FOXP1: variants seen among roughly 807,000 people sequenced by gnomAD.
The protein encoded by FOXP1 is forkhead box protein P1.
In FOXP1, 15 loss-of-function variants were observed where a neutral mutation model predicts 98.2. That is an observed-to-expected ratio of 0.15 (90% confidence interval 0.10 to 0.24). FOXP1 has a LOEUF of 0.24. Ranked by LOEUF, FOXP1 falls within the 10% of genes least tolerant of loss-of-function variation. FOXP1 has a pLI of 1.00. For missense variants in FOXP1, 633 were observed against 848.5 expected (o/e 0.75, Z 3.15); for synonymous variants, 371 against 314.5 (o/e 1.18, Z -1.90).
chr3:71,498,939 A>G (rs1360608213), intron 2 of FOXP1, among the ~76,000 whole-genome samples: 2 of 152,194 alleles, frequency 1.3e-5, no homozygotes, highest in Admixed American at 1.3e-4. Flanking sequence ...CTGAAGATCT[A>G]GGAAGGAGTT....
intron 4 of FOXP1, among the ~76,000 whole-genome samples, chr3:71,322,943 C>A (rs1198831738): frequency 6.6e-6 from 1 of 151,534 alleles, no homozygotes; most frequent in East Asian, 1.9e-4. Context: ...CATTAAATCC[C>A]TTTCTGGGCA....
At chr3:71,451,763 C>T (rs2086981370) in intron 3 of FOXP1, among the ~76,000 whole-genome samples, 1 of 151,848 alleles carries the variant, frequency 6.6e-6, no homozygotes, top group African/African-American at 2.4e-5. Context: ...TATTTTTAAG[C>T]GAAATGAAAA....
At chr3:70,991,941 T>TAGAGTTAGGAA (rs2040666049) in intron 13 of FOXP1, among the ~76,000 whole-genome samples, 1 of 152,222 alleles carries the variant, frequency 6.6e-6, no homozygotes, top group Non-Finnish European at 1.5e-5. Flanking sequence ...CTCCCTGCTC[T>TAGAGTTAGGAA]CATGCTGAAC....
rs1216420262 is a variant in FOXP1, at chr3:70,957,421, C to A, written c.*1826G>T. ...ATCGCTTGTCATTTGCCTCTAAATTCTTTTGCCTCCTTTGATCAACAATAA... is the reference window on the plus strand; with the variant it reads ...ATCGCTTGTCATTTGCCTCTAAATTATTTTGCCTCCTTTGATCAACAATAA... On this transcript the variant is annotated 3_prime_UTR_variant, in exon 21 of 21. Transcript: ENST00000649528. The A allele has an allele frequency of 8.7e-6, 2 of 229,946 alleles. No homozygotes were observed. The highest frequency in any genetic ancestry group is 5.7e-5 in the Admixed American group (1 of 17,660). 14.2% of individuals were successfully genotyped at this position (229,946 alleles called of 1,614,324 possible).
intron 4 of FOXP1, among the ~76,000 whole-genome samples, chr3:71,311,043 T>G (rs1301734165): frequency 6.6e-6 from 1 of 152,212 alleles, no homozygotes; most frequent in Non-Finnish European, 1.5e-5. Flanking sequence ...GGCAGGGATT[T>G]TATCTGATTT....
chr3:71,257,945 G>A (rs1286885777), intron 5 of FOXP1, among the ~76,000 whole-genome samples: 1 of 152,190 alleles, frequency 6.6e-6, no homozygotes, highest in Non-Finnish European at 1.5e-5. Context: ...CTTGGCAGGA[G>A]CAAACATGAC....
intron 2 of FOXP1, among the ~76,000 whole-genome samples, chr3:71,518,106 C>T (rs1055334637): frequency 6.6e-6 from 1 of 152,128 alleles, no homozygotes; most frequent in Non-Finnish European, 1.5e-5. Context: ...GAAAATCTTG[C>T]TGGACATTTG....
At chr3:70,981,318 A>T (rs547632660) in intron 14 of FOXP1, among the ~76,000 whole-genome samples, 14 of 152,224 alleles carry the variant, frequency 9.2e-5, no homozygotes, top group Admixed American at 5.2e-4. Context: ...GCAAGTGGGA[A>T]TAAATACTGA....
chr3:70,967,687 GTTTTTTTTTTTTGTTTTTTTTTGTT>G (rs2035167660), intron 19 of FOXP1, among the ~76,000 whole-genome samples: 1 of 61,358 alleles, frequency 1.6e-5, no homozygotes, highest in Non-Finnish European at 3.3e-5. Flanking sequence ...ACTATTATTT[GTTTTTTTTTTTTGTTTTTTTTTGTT>G]TTTTTTTTTT....
chr3:71,364,446 A>C (rs1034399945), intron 3 of FOXP1, among the ~76,000 whole-genome samples: 2 of 152,228 alleles, frequency 1.3e-5, no homozygotes, highest in Non-Finnish European at 2.9e-5. Flanking sequence ...AAGAATACTG[A>C]GCTTCTAAGA....
chr3:71,394,300 A>T (rs964282940), intron 3 of FOXP1, among the ~76,000 whole-genome samples: 1 of 152,194 alleles, frequency 6.6e-6, no homozygotes, highest in Non-Finnish European at 1.5e-5. Flanking sequence ...AGCCTCCCCT[A>T]TTTCAAATCC....
chr3:71,390,847 A>G (rs1256817622), intron 3 of FOXP1, among the ~76,000 whole-genome samples: 1 of 152,190 alleles, frequency 6.6e-6, no homozygotes, highest in Non-Finnish European at 1.5e-5. Context: ...TCAGGAAGAG[A>G]TGAGCCCCCC....
At chr3:70,975,189 T>A (rs1342795674) in intron 17 of FOXP1, among the ~76,000 whole-genome samples, 1 of 152,204 alleles carries the variant, frequency 6.6e-6, no homozygotes, top group East Asian at 1.9e-4. Flanking sequence ...TATTCACAAC[T>A]GGTAATTATT....
chr3:71,351,412 A>G (rs944590125), intron 4 of FOXP1, among the ~76,000 whole-genome samples: 18 of 152,246 alleles, frequency 1.2e-4, no homozygotes, highest in African/African-American at 4.1e-4. Context: ...TAACAAGGCA[A>G]TATGAACACT....
At chr3:71,167,037 A>T (rs2061428430) in intron 6 of FOXP1, among the ~76,000 whole-genome samples, 1 of 152,058 alleles carries the variant, frequency 6.6e-6, no homozygotes, top group East Asian at 1.9e-4. Flanking sequence ...CTTTGCACTT[A>T]CATATTCCAG....
chr3:71,143,595 T>G (rs1242943744), intron 6 of FOXP1, among the ~76,000 whole-genome samples: 1 of 152,152 alleles, frequency 6.6e-6, no homozygotes, highest in Non-Finnish European at 1.5e-5. Flanking sequence ...AGTAAGTCAT[T>G]TAAAATACAT....
At chr3:71,579,796 G>A (rs968942295) in intron 2 of FOXP1, among the ~76,000 whole-genome samples, 2 of 151,752 alleles carry the variant, frequency 1.3e-5, no homozygotes, top group Non-Finnish European at 2.9e-5. Context: ...CACAGTTCTT[G>A]GTAGCAAGAC....
intron 6 of FOXP1, among the ~76,000 whole-genome samples, chr3:71,196,097 T>C (rs1576328033): frequency 6.6e-6 from 1 of 152,226 alleles, no homozygotes; most frequent in Admixed American, 6.5e-5. Flanking sequence ...GCCACAGTGA[T>C]AGACCCCACT....
At chr3:71,265,896 A>G (rs965629883) in intron 5 of FOXP1, among the ~76,000 whole-genome samples, 16 of 152,114 alleles carry the variant, frequency 1.1e-4, no homozygotes, top group Non-Finnish European at 1.5e-5. Flanking sequence ...AGCTCATTTC[A>G]CACCTCAGGA....
Sources: gnomAD v4.1 joint callset for allele counts (sites outside exome capture counted in the v4.1 genomes callset) on GRCh38, gnomAD v4.1.1 for gene constraint, MANE v1.5 for transcripts, NCBI Gene and HGNC (gene_info 2026-07-23, HGNC 2026-07-21) for gene names.